The following QRICH2 variants were observed in gnomAD, a reference collection of about 807,000 sequenced individuals.
The protein encoded by QRICH2 is glutamine rich 2.
QRICH2 carries 119 observed loss-of-function variants against 168.3 expected under a neutral mutation model. The ratio of observed to expected loss-of-function variants is 0.71; its 90% CI spans 0.61 to 0.82. QRICH2 has a LOEUF of 0.82. Ranked by LOEUF, QRICH2 falls within the 40% of genes least tolerant of loss-of-function variation. QRICH2 has a pLI of 0.00. For missense variants in QRICH2, 2,241 were observed against 2,491.6 expected (o/e 0.90, Z 2.14); for synonymous variants, 894 against 951.2 (o/e 0.94, Z 1.11).
rs140530015 is a variant in QRICH2 at position 76,291,134 on chromosome 17, T to A, written c.3593A>T (p.His1198Leu). The A allele has an allele frequency of 4.3e-6, 7 of 1,614,186 alleles. No homozygotes were observed. The highest frequency in any genetic ancestry group is 4.0e-5 in the African/African-American group (3 of 75,052). Reference sequence around the variant, plus strand: ...GAGGCTACTGAGCTCTCCCATCAGATGAAATGTCTCCACTGCCGTGGGGAA... The same window carrying A: ...GAGGCTACTGAGCTCTCCCATCAGAAGAAATGTCTCCACTGCCGTGGGGAA... ...SSFPTAVETF[H>L]LMGELSSLYV... The change falls in exon 4 of 19, where the codon CAT becomes CTT. Residue 1198 changes from histidine (H) to leucine (L), a missense_variant. Coordinates refer to ENST00000680821, the MANE Select transcript of QRICH2 (RefSeq NM_001388453.1).
rs560234276 is a variant in QRICH2, at chr17:76,299,933, C to T, written c.705+4482G>A. Reference sequence around the variant, plus strand: ...ACCTCCGCCTTCCGGTGGTTTCAAGCGAGTCTCCTGCCTCAGCCTCCCGAA... The same window carrying T: ...ACCTCCGCCTTCCGGTGGTTTCAAGTGAGTCTCCTGCCTCAGCCTCCCGAA... On this transcript the variant is annotated intron_variant, in intron 3 of 18. Transcript: ENST00000680821. Among the ~76,000 whole-genome samples the T allele has an allele frequency of 3.3e-5, 5 of 151,604 alleles. No individual in the cohort carries two copies. The South Asian group carries it at 1.1e-3, about 32-fold the overall frequency.
intron 3 of QRICH2, among the ~76,000 whole-genome samples, chr17:76,294,854 G>A (rs111523635): frequency 0.014 from 2,057 of 151,292 alleles, 40 homozygotes; most frequent in African/African-American, 0.044. Context: ...ATAAAAGATG[G>A]GGAAAACTGC....
intron 3 of QRICH2, among the ~76,000 whole-genome samples, chr17:76,303,888 A>G (rs918811608): frequency 6.6e-6 from 1 of 150,476 alleles, no homozygotes; most frequent in African/African-American, 2.4e-5. Context: ...AAAAAAAAAA[A>G]AAAAAGTCGC....
chr17:76,275,469 G>A (rs576887954), intron 18 of QRICH2, among the ~76,000 whole-genome samples: 8 of 152,316 alleles, frequency 5.3e-5, no homozygotes, highest in East Asian at 1.9e-4. Flanking sequence ...TTGGGGACCC[G>A]GGCATGGCCT....
Position 76,308,119 on chromosome 17 carries a change from G to A in QRICH2, c.-121C>T, listed in dbSNP as rs182253649. On this transcript the variant is annotated 5_prime_UTR_variant, in exon 1 of 19. Coordinates refer to ENST00000680821, the MANE Select transcript of QRICH2 (RefSeq NM_001388453.1). ...AGGTCCTCGGGGCGCCCCTGCCCCG[G>A]GTCCGGCCGAGTCACTGGACAGAGC... The A allele has an allele frequency of 1.6e-4, 198 of 1,214,942 alleles. 1 individual carries two copies. The African/African-American group carries it at 2.9e-3, about 18-fold the overall frequency. 75.3% of individuals were successfully genotyped at this position (1,214,942 alleles called of 1,614,324 possible).
In QRICH2 at chr17:76,280,701, C is replaced by G. The variant is rs777181399; in HGVS notation, c.4414G>C (p.Glu1472Gln). ...TGCTCCCTGTTGGCCTTTTCCTTTTCGAGCTTCTCCAGACCCTGGTACAGC... is the reference window on the plus strand; with the variant it reads ...TGCTCCCTGTTGGCCTTTTCCTTTTGGAGCTTCTCCAGACCCTGGTACAGC... ...AMLYQGLEKLEKEKANREHLE... is the reference protein window; with the variant it reads ...AMLYQGLEKLQKEKANREHLE... The change falls in exon 10 of 19, where the codon GAA (glutamate) becomes CAA (glutamine). Residue 1472 changes from glutamate to glutamine, a missense_variant. This residue lies in a region of QRICH2 where 2,047 missense variants were observed against 2,303.8 expected (regional missense o/e 0.89). Coordinates refer to ENST00000680821, the MANE Select transcript of QRICH2 (RefSeq NM_001388453.1). This position sits in a 1 kb window ranked among gnomAD's most constrained non-coding sequence, Gnocchi z 7.4. The G allele has an allele frequency of 5.0e-6, 8 of 1,614,000 alleles. No individual in the cohort carries two copies. The highest frequency in any genetic ancestry group is 1.7e-5 in the Admixed American group (1 of 59,982).
In QRICH2 at chr17:76,274,177, C is replaced by A. The variant is rs73350373; in HGVS notation, c.5566G>T (p.Ala1856Ser). Reference sequence around the variant, plus strand: ...CTCTCCAGCCCCCTGTTTGCCACCGCGGCGGAGCTGGGCGGGTGGGCTGTG... The same window carrying A: ...CTCTCCAGCCCCCTGTTTGCCACCGAGGCGGAGCTGGGCGGGTGGGCTGTG... ...PNTAHPPSSAAVANRGLERHV... is the reference protein window; with the variant it reads ...PNTAHPPSSASVANRGLERHV... The change falls in exon 19 of 19, where the codon GCG becomes TCG. Residue 1856 changes from alanine (A) to serine (S), a missense_variant. By Grantham distance (99) the Ala-to-Ser change is moderately conservative. Transcript: ENST00000680821. 0.081 allele frequency: 128,603 copies of A among 1,585,704 alleles called. 6,312 individuals carry two copies. The highest frequency in any genetic ancestry group is 0.18 in the Admixed American group (9,474 of 51,662).
chr17:76,306,163 T>C (rs1487891862), intron 1 of QRICH2, among the ~76,000 whole-genome samples: 3 of 98,470 alleles, frequency 3.0e-5, no homozygotes, highest in South Asian at 3.2e-4. Context: ...AGTGAGAATG[T>C]GTCTCAAAAA....
At chr17:76,290,937 G>A (rs2070974847) in intron 4 of QRICH2, 78 bp downstream of exon 4, 2 of 1,551,914 alleles carry the variant, frequency 1.3e-6, no homozygotes, top group Admixed American at 3.7e-5. Flanking sequence ...GCCAGGAGTT[G>A]AGGCCAGGGG....
Position 76,307,894 on chromosome 17 carries a change from C to G in QRICH2, c.105G>C (p.Val35=), listed in dbSNP as rs1324543753. 7.9e-7 allele frequency: 1 copy of G among 1,268,474 alleles called. No homozygotes were observed. The highest frequency in any genetic ancestry group is 9.9e-7 in the Non-Finnish European group (1 of 1,009,290). The allele number at this position is 1,268,474 out of a possible 1,614,324, so 78.6% of individuals were successfully genotyped here. ...GGAGGTCGAGGTTCTTGAGCATGGC[C>G]ACGATGAGCGTGTGCAGGGCCGTGA... ...VNFTALHTLI[V]AMLKNLDLQN... is the part of the protein sequence containing the mutation. The change falls in exon 1 of 19, where the codon GTG becomes GTC. Residue 35 remains valine (V), a synonymous_variant. Coordinates refer to ENST00000680821, the MANE Select transcript of QRICH2 (RefSeq NM_001388453.1). The surrounding 1 kb of genome is among the most constrained non-coding windows in gnomAD (Gnocchi z 5.3).
upstream of QRICH2, chr17:76,308,533 A>G: frequency 1.0e-6 from 1 of 979,504 alleles, no homozygotes; most frequent in African/African-American, 1.7e-5. Context: ...TTGTGTCATC[A>G]GCTGCGTCCA....
upstream of QRICH2, among the ~76,000 whole-genome samples, chr17:76,308,712 C>T (rs1224213225): frequency 6.6e-6 from 1 of 152,102 alleles, no homozygotes; most frequent in Non-Finnish European, 1.5e-5. Context: ...AGATGACTAA[C>T]TGGTGGCTAA....
chr17:76,301,834 C>A (rs2070906712), intron 3 of QRICH2, among the ~76,000 whole-genome samples: 1 of 149,916 alleles, frequency 6.7e-6, no homozygotes, highest in Non-Finnish European at 1.5e-5. Context: ...TCCCAAGTAG[C>A]TGGGATTACA....
At chr17:76,285,686 C>T (rs2070869671) in intron 7 of QRICH2, among the ~76,000 whole-genome samples, 1 of 150,916 alleles carries the variant, frequency 6.6e-6, no homozygotes, top group South Asian at 2.1e-4. Flanking sequence ...CCATTCTCTC[C>T]TAAAAATACA....
Position 76,287,215 on chromosome 17 carries a change from C to A in QRICH2, c.3988G>T (p.Ala1330Ser). ...KAAMENSVSE[A>S]SLYLQDQLDK... ...ACCTGGTCCTGCAGGTAAAGGGAGG[C>A]TTCAGAGACAGAATTTTCCATGGCA... is the stretch of plus-strand genomic sequence containing the variant. Residue 1330 changes from alanine (A) to serine (S), a missense_variant, in exon 7 of 19, where the codon GCC (alanine) becomes TCC (serine). Ala to Ser is a moderately conservative substitution (Grantham distance 99). This residue lies in a region of QRICH2 where 2,047 missense variants were observed against 2,303.8 expected (regional missense o/e 0.89). Transcript: ENST00000680821. The A allele has an allele frequency of 6.2e-7, 1 of 1,613,844 alleles. No homozygotes were observed. The highest frequency in any genetic ancestry group is 8.5e-7 in the Non-Finnish European group (1 of 1,179,746).
At chr17:76,301,992 G>C (rs527623528) in intron 3 of QRICH2, among the ~76,000 whole-genome samples, 1 of 151,258 alleles carries the variant, frequency 6.6e-6, no homozygotes, top group Non-Finnish European at 1.5e-5. Context: ...TTCGTTTCCC[G>C]GGTTCAAATG....
chr17:76,287,424 C>T, intron 6 of QRICH2, 118 bp from the exon 7 acceptor site: 1 of 735,814 alleles, frequency 1.4e-6, no homozygotes, highest in Non-Finnish European at 2.4e-6. Flanking sequence ...ACCCTCCACC[C>T]CCCTCCAATG....
At position 76,275,572 on chromosome 17, in the gene QRICH2, G is replaced by C. The variant is rs562045739; in HGVS notation, c.5482+247C>G. 3.9e-5 allele frequency among the ~76,000 whole-genome samples: 6 copies of C among 152,384 alleles called. No individual in the cohort carries two copies. In the South Asian group the frequency reaches 1.2e-3, roughly 32 times the overall value. ...GCAAGGGCATGGACCTGGAGCCAGA[G>C]ATGTGGGTGGTGACCCTGTCCCTAT... is the stretch of plus-strand genomic sequence containing the variant. On this transcript the variant is annotated intron_variant, in intron 18 of 18. Transcript: ENST00000680821.
At chr17:76,309,632 C>A (rs1263924021), upstream of QRICH2, 1 of 152,246 alleles carries the variant, frequency 6.6e-6, no homozygotes, top group African/African-American at 2.4e-5. Context: ...CACGACTGAA[C>A]ACGTACAGAT....
Sources: allele counts gnomAD v4.1 joint callset (sites outside exome capture counted in the v4.1 genomes callset), GRCh38; gene constraint gnomAD v4.1.1; regional missense constraint gnomAD v4.1.1; non-coding constraint Gnocchi (gnomAD v3.1); transcripts MANE v1.5; gene names NCBI Gene and HGNC (gene_info 2026-07-23, HGNC 2026-07-21).